ZNF148: variants seen among roughly 807,000 people sequenced by gnomAD.
ZNF148 encodes the protein zinc finger protein 148, also known as Beta-Enolase Repressor Factor-1.
In ZNF148, 7 loss-of-function variants were observed where a neutral mutation model predicts 67.7. The observed-to-expected ratio is 0.10, with a 90% CI of 0.06 to 0.19. ZNF148 has a LOEUF of 0.19. Among genes scored for constraint, ZNF148 ranks in the 10% least tolerant of loss-of-function variants. The pLI, the probability that ZNF148 is intolerant of heterozygous loss-of-function variation, is 1.00. For missense variants in ZNF148, 583 were observed against 947.1 expected (o/e 0.62, Z 5.05); for synonymous variants, 333 against 330.7 (o/e 1.01, Z -0.08).
chr3:125,371,383 G>T (rs948375500), intron 1 of ZNF148, among the ~76,000 whole-genome samples: 4 of 137,928 alleles, frequency 2.9e-5, no homozygotes, highest in Admixed American at 7.4e-5. Context: ...GGGGGGGGGG[G>T]GGGCAGGGCG....
chr3:125,361,014 G>A (rs1942521312), intron 1 of ZNF148, among the ~76,000 whole-genome samples: 1 of 151,840 alleles, frequency 6.6e-6, no homozygotes, highest in South Asian at 2.1e-4. Flanking sequence ...CTGGGTAACA[G>A]AGAAGACCCT....
intron 1 of ZNF148, among the ~76,000 whole-genome samples, chr3:125,348,030 G>A (rs1037250027): frequency 6.6e-6 from 1 of 152,066 alleles, no homozygotes; most frequent in African/African-American, 2.4e-5. Context: ...AAACGCAGGT[G>A]GATCATTTGA....
rs1935624798 is a variant in ZNF148, at chr3:125,226,207, T to TA, written c.*6133dup. 1 of 152,616 alleles carries TA rather than the reference T, an allele frequency of 6.6e-6. No homozygotes were observed. The highest frequency in any genetic ancestry group is 2.4e-5 in the African/African-American group (1 of 41,452). 9.5% of individuals were successfully genotyped at this position (152,616 alleles called of 1,614,324 possible). The stretch of plus-strand genomic sequence containing the variant: ...AATAACATTCCACATAAAGCTATAA[T>TA]AAAGGCCCTGATAATTGTTACCCAA... On this transcript the variant is annotated 3_prime_UTR_variant, in exon 9 of 9. Coordinates refer to ENST00000360647, the MANE Select transcript of ZNF148 (RefSeq NM_021964.3).
intron 2 of ZNF148, among the ~76,000 whole-genome samples, chr3:125,326,162 T>C (rs1941008479): frequency 6.6e-6 from 1 of 152,126 alleles, no homozygotes; most frequent in African/African-American, 2.4e-5. Context: ...CCCATTAAGC[T>C]GAAAGGAAAA....
At chr3:125,368,280 G>A (rs1454867054) in intron 1 of ZNF148, among the ~76,000 whole-genome samples, 1 of 152,136 alleles carries the variant, frequency 6.6e-6, no homozygotes, top group Non-Finnish European at 1.5e-5. Flanking sequence ...ATTCAAATCA[G>A]TATGGTCCTC....
chr3:125,346,910 G>GA (rs1269455082), intron 1 of ZNF148, among the ~76,000 whole-genome samples: 1 of 150,998 alleles, frequency 6.6e-6, no homozygotes, highest in Non-Finnish European at 1.5e-5. Context: ...TTAATATTGG[G>GA]AAAAAAAACT....
chr3:125,279,120 A>G lies in ZNF148; in HGVS notation c.583+4T>C. On this transcript the variant is annotated splice_donor_region_variant and intron_variant, in intron 6 of 8. Transcript: ENST00000360647. ...CCACAAGCCCATTTTAATTCAAGAA[A>G]TACCTGTATGAATGAAGACATGTCT... 8.2e-6 allele frequency: 13 copies of G among 1,593,640 alleles called. No homozygotes were observed. Among genetic ancestry groups the G allele is most frequent in the Non-Finnish European group, 1.1e-5 (13 of 1,171,490 alleles).
intron 4 of ZNF148, among the ~76,000 whole-genome samples, chr3:125,296,444 T>C (rs887210036): frequency 2.6e-5 from 4 of 152,160 alleles, no homozygotes; most frequent in African/African-American, 9.6e-5. Flanking sequence ...TTAGTTTTCT[T>C]TTCTACCTTC....
intron 4 of ZNF148, 126 bp downstream of exon 4, chr3:125,313,182 T>C (rs985372638): frequency 3.2e-6 from 2 of 624,422 alleles, no homozygotes; most frequent in Non-Finnish European, 5.1e-6. Flanking sequence ...GTCAATATTT[T>C]AGTATATCTA....
At chr3:125,244,195 G>A (rs551915845) in intron 7 of ZNF148, among the ~76,000 whole-genome samples, 1 of 152,258 alleles carries the variant, frequency 6.6e-6, no homozygotes, top group East Asian at 1.9e-4. Flanking sequence ...TCCCCAATGT[G>A]ATGTTTCTCC....
intron 4 of ZNF148, among the ~76,000 whole-genome samples, chr3:125,306,766 G>A (rs960552666): frequency 3.3e-5 from 5 of 151,962 alleles, no homozygotes; most frequent in Non-Finnish European, 5.9e-5. Context: ...AAGCTGAGGT[G>A]GGAGGATCAT....
At position 125,359,872 on chromosome 3, in the gene ZNF148, C is replaced by T. The variant is rs113395864; in HGVS notation, c.-234+15230G>A. On this transcript the variant is annotated intron_variant, in intron 1 of 8. Coordinates refer to ENST00000360647, the MANE Select transcript of ZNF148 (RefSeq NM_021964.3). Reference sequence around the variant, plus strand: ...CCAAGAGCACACAGACCCAAGTGGGCGGCAGCCCACCCGCCACCATGCAGC... The same window carrying T: ...CCAAGAGCACACAGACCCAAGTGGGTGGCAGCCCACCCGCCACCATGCAGC... Among the ~76,000 whole-genome samples the T allele has an allele frequency of 3.6e-3, 552 of 152,302 alleles. 6 individuals are homozygous for T. Among genetic ancestry groups the T allele is most frequent in the African/African-American group, 0.012 (518 of 41,552 alleles).
At chr3:125,258,218 C>T (rs1298863655) in intron 7 of ZNF148, among the ~76,000 whole-genome samples, 1 of 151,728 alleles carries the variant, frequency 6.6e-6, no homozygotes, top group Admixed American at 6.6e-5. Context: ...GTCAGGAGAT[C>T]GAAACCATCC....
Position 125,237,210 on chromosome 3 carries a change from G to A in ZNF148, c.668-2881C>T, listed in dbSNP as rs138549049. Among the ~76,000 whole-genome samples, 125 of 152,254 alleles carry A rather than the reference G, an allele frequency of 8.2e-4. 2 individuals are homozygous for A. Among genetic ancestry groups the A allele is most frequent in the African/African-American group, 2.8e-3 (116 of 41,544 alleles). ...ACAATCAAAAGAACAAAATCCAGAG[G>A]AACCAAGATGGGAAGGGAAGGAGAT... is the stretch of plus-strand genomic sequence containing the variant. On this transcript the variant is annotated intron_variant, in intron 7 of 8. Transcript: ENST00000360647.
intron 3 of ZNF148, among the ~76,000 whole-genome samples, chr3:125,319,372 G>C (rs1393213205): frequency 6.6e-6 from 1 of 152,126 alleles, no homozygotes; most frequent in African/African-American, 2.4e-5. Context: ...CAAAACTCGG[G>C]GAACTGTCTG....
intron 1 of ZNF148, among the ~76,000 whole-genome samples, chr3:125,352,020 A>G (rs1022996589): frequency 6.6e-6 from 1 of 152,178 alleles, no homozygotes; most frequent in Non-Finnish European, 1.5e-5. Context: ...CACATGACTC[A>G]GCAATTTTTC....
At chr3:125,328,212 G>A (rs915689778) in intron 2 of ZNF148, among the ~76,000 whole-genome samples, 1 of 152,148 alleles carries the variant, frequency 6.6e-6, no homozygotes, top group African/African-American at 2.4e-5. Context: ...ACAACCTGGA[G>A]CGAAAAGTGA....
rs762411323 is a variant in ZNF148 at position 125,232,453 on chromosome 3, C to T, written c.2273G>A (p.Arg758Gln). The T allele has an allele frequency of 1.1e-5, 17 of 1,613,498 alleles. No individual in the cohort carries two copies. Among genetic ancestry groups the T allele is most frequent in the African/African-American group, 6.7e-5 (5 of 74,844 alleles). ...AAATTCAGCACTTGTCCCTGGTCCC[C>T]GAAGGTTCACCTGTCCATTGGCAGT... Reference protein sequence around the residue: ...FSTANGQVNLRGPGTSAEFSE... With the variant: ...FSTANGQVNLQGPGTSAEFSE... The change falls in exon 9 of 9, where the codon CGG becomes CAG. Residue 758 changes from arginine (R) to glutamine (Q), a missense_variant. By Grantham distance (43) the Arg-to-Gln change is conservative. Coordinates refer to ENST00000360647, the MANE Select transcript of ZNF148 (RefSeq NM_021964.3). The surrounding 1 kb of genome is among the most constrained non-coding windows in gnomAD (Gnocchi z 4.2).
intron 7 of ZNF148, among the ~76,000 whole-genome samples, chr3:125,275,408 G>A (rs899706064): frequency 6.6e-5 from 10 of 152,060 alleles, no homozygotes; most frequent in African/African-American, 2.2e-4. Flanking sequence ...AACTCAAAAA[G>A]GCCCAAATAT....
Sources: gnomAD v4.1 joint callset for allele counts (sites outside exome capture counted in the v4.1 genomes callset) on GRCh38, gnomAD v4.1.1 for gene constraint, Gnocchi (gnomAD v3.1) non-coding constraint, MANE v1.5 for transcripts, NCBI Gene and HGNC (gene_info 2026-07-23, HGNC 2026-07-21) for gene names.